Variants in PIK3R3 observed in about 807,000 individuals in gnomAD.
The protein encoded by PIK3R3 is phosphatidylinositol 3-kinase regulatory subunit gamma.
A neutral mutation model predicts 62.9 loss-of-function variants in PIK3R3; 64 were observed. The ratio of observed to expected loss-of-function variants is 1.02; its 90% CI spans 0.83 to 1.25. PIK3R3 has a LOEUF of 1.25. Among genes scored for constraint, PIK3R3 ranks in the 50% most tolerant of loss-of-function variants. The pLI, the probability that PIK3R3 is intolerant of heterozygous loss-of-function variation, is 0.00. For synonymous variants in PIK3R3, 165 were observed against 189.0 expected (o/e 0.87, Z 1.04); for missense variants, 614 against 561.6 (o/e 1.09, Z -0.94).
chr1:46,050,602 T>C (rs1284422893), intron 7 of PIK3R3, among the ~76,000 whole-genome samples: 1 of 152,168 alleles, frequency 6.6e-6, no homozygotes, highest in Non-Finnish European at 1.5e-5. Context: ...AATGATTCAT[T>C]ACTTTAAGAA....
the PIK3R3 span, among the ~76,000 whole-genome samples, chr1:46,173,783 C>G: frequency 6.6e-6 from 1 of 152,146 alleles, no homozygotes. Flanking sequence ...CAGCTTAGCA[C>G]CCCCATCATA....
At chr1:46,121,000 G>A (rs550395433) in intron 1 of PIK3R3, among the ~76,000 whole-genome samples, 1 of 152,248 alleles carries the variant, frequency 6.6e-6, no homozygotes, top group East Asian at 1.9e-4. Flanking sequence ...ATGATGCCTG[G>A]AATCACCGCA....
At chr1:46,045,567 G>A (rs1226471251) in intron 9 of PIK3R3, among the ~76,000 whole-genome samples, 1 of 136,844 alleles carries the variant, frequency 7.3e-6, no homozygotes, top group East Asian at 2.3e-4. Context: ...TTCCTAATCT[G>A]ACACTGGAGA....
the PIK3R3 span, among the ~76,000 whole-genome samples, chr1:46,144,784 G>T: frequency 6.7e-6 from 1 of 148,574 alleles, no homozygotes; most frequent in East Asian, 2.0e-4. Context: ...AAAAAAAAAC[G>T]ACTCAATTCT....
chr1:46,056,946 G>A (rs1441792924), intron 6 of PIK3R3: 1 of 152,230 alleles, frequency 6.6e-6, no homozygotes, highest in African/African-American at 2.4e-5. Flanking sequence ...CCATGGGCAA[G>A]TTATTTAACT....
chr1:46,115,843 CTGGCCCTTATTGTACAGATCAGAATA>C (rs1654137753), intron 1 of PIK3R3, among the ~76,000 whole-genome samples: 1 of 152,076 alleles, frequency 6.6e-6, no homozygotes, highest in Non-Finnish European at 1.5e-5. Flanking sequence ...CTCTTGGTTC[CTGGCCCTTATTGTACAGATCAGAATA>C]ATGACACGGG....
At chr1:46,110,111 CT>C (rs113064603) in intron 1 of PIK3R3, among the ~76,000 whole-genome samples, 31,580 of 146,806 alleles carry the variant, frequency 0.22, 3,605 homozygotes, top group Non-Finnish European at 0.27. Flanking sequence ...GCCTCATCCA[CT>C]TTTTTTTTTT....
At position 46,131,958 on chromosome 1, in the gene PIK3R3, T is replaced by C. The variant is rs750242869; in HGVS notation, c.-6A>G. On this transcript the variant is annotated 5_prime_UTR_variant, in exon 1 of 10. Coordinates refer to ENST00000262741, the MANE Select transcript of PIK3R3 (RefSeq NM_003629.4). ...CTCCACACCGTATTGTACATCGCGC[T>C]GTCAGGGGCAGGTCGCCAGGAGATA... The C allele has an allele frequency of 1.2e-6, 2 of 1,613,600 alleles. No individual in the cohort carries two copies. Among genetic ancestry groups the C allele is most frequent in the Non-Finnish European group, 8.5e-7 (1 of 1,179,904 alleles).
the PIK3R3 span, among the ~76,000 whole-genome samples, chr1:46,162,178 T>G: frequency 6.6e-6 from 1 of 151,160 alleles, no homozygotes; most frequent in African/African-American, 2.4e-5. Context: ...GGTAAGAGTT[T>G]GGTAAAATAG....
At chr1:46,112,812 G>A (rs1460641270) in intron 1 of PIK3R3, among the ~76,000 whole-genome samples, 2 of 152,074 alleles carry the variant, frequency 1.3e-5, no homozygotes, top group African/African-American at 4.8e-5. Flanking sequence ...CCACCAAAAG[G>A]AGAGAACCTG....
At chr1:46,148,743 GGAGAGAGAGAGAGAGA>G in the PIK3R3 span, among the ~76,000 whole-genome samples, 11 of 143,364 alleles carry the variant, frequency 7.7e-5, no homozygotes, top group African/African-American at 2.5e-4. Flanking sequence ...CCAAGATTTT[GGAGAGAGAGAGAGAGA>G]GAGAGAGAGA....
chr1:46,167,416 C>T, the PIK3R3 span, among the ~76,000 whole-genome samples: 2 of 152,114 alleles, frequency 1.3e-5, no homozygotes, highest in Admixed American at 6.5e-5. Context: ...TGGGTGGAGG[C>T]GCAGCTAGCT....
At chr1:46,046,321 G>A (rs1251752756) in intron 8 of PIK3R3, among the ~76,000 whole-genome samples, 1 of 152,018 alleles carries the variant, frequency 6.6e-6, no homozygotes, top group East Asian at 1.9e-4. Flanking sequence ...CAGATTTTGG[G>A]TAGCTATACT....
rs1648960130 is a variant in PIK3R3 at position 46,066,070 on chromosome 1, T to C, written c.605A>G (p.Tyr202Cys). The C allele has an allele frequency of 6.2e-7, 1 of 1,608,942 alleles. No individual in the cohort carries two copies. The highest frequency in any genetic ancestry group is 1.7e-5 in the Admixed American group (1 of 59,984). ...TATACCAACCTGGGATGTTCTAGTA[T>C]ATTCTTCATACAGCCTATCATACTC... ...SKEYDRLYEE[Y>C]TRTSQEIQMK... is the part of the protein sequence containing the mutation. Residue 202 changes from tyrosine (Y) to cysteine (C), a missense_variant, in exon 5 of 10, where the codon TAT (tyrosine) becomes TGT (cysteine). Transcript: ENST00000262741.
At chr1:46,134,139 T>A (rs1483348864), upstream of PIK3R3, among the ~76,000 whole-genome samples, 1 of 152,224 alleles carries the variant, frequency 6.6e-6, no homozygotes, top group Non-Finnish European at 1.5e-5. Flanking sequence ...AACTGCTCCA[T>A]TTCCTCTTTA....
In PIK3R3 at chr1:46,131,833, T is replaced by C. The variant is rs1251012708; in HGVS notation, c.106+14A>G. 8.7e-6 allele frequency: 14 copies of C among 1,610,866 alleles called. No homozygotes were observed. The highest frequency in any genetic ancestry group is 1.1e-5 in the Non-Finnish European group (13 of 1,177,472). On this transcript the variant is annotated intron_variant, in intron 1 of 9. Coordinates refer to ENST00000262741, the MANE Select transcript of PIK3R3 (RefSeq NM_003629.4). ...GACCCATCACGAGATTCTTTTTTTTTTTCTCCCAAGTACCTGGAGGATCCA... is the reference window on the plus strand; with the variant it reads ...GACCCATCACGAGATTCTTTTTTTTCTTCTCCCAAGTACCTGGAGGATCCA...
At position 46,043,226 on chromosome 1, in the gene PIK3R3, C is replaced by T. The variant is rs1647027200; in HGVS notation, c.*447G>A. The stretch of plus-strand genomic sequence containing the variant: ...TCTATCACAAAACCTAAACAGCCTT[C>T]TTCGTGGGGGGAAGAGAGACTGCCA... On this transcript the variant is annotated 3_prime_UTR_variant, in exon 10 of 10. Transcript: ENST00000262741. 1 of 233,692 alleles carries T rather than the reference C, an allele frequency of 4.3e-6. No homozygotes were observed. Among genetic ancestry groups the T allele is most frequent in the South Asian group, 1.8e-4 (1 of 5,602 alleles). 14.5% of individuals were successfully genotyped at this position (233,692 alleles called of 1,614,324 possible). A position where few individuals can be genotyped will look rare whatever the true frequency, so the allele number is the denominator to read the frequency against.
intron 1 of PIK3R3, among the ~76,000 whole-genome samples, chr1:46,093,620 T>C (rs1272871024): frequency 2.0e-5 from 3 of 152,100 alleles, no homozygotes; most frequent in Admixed American, 6.6e-5. Context: ...CCAAGTGTGG[T>C]GGCTCATGCA....
At chr1:46,150,386 A>G in the PIK3R3 span, among the ~76,000 whole-genome samples, 2 of 152,152 alleles carry the variant, frequency 1.3e-5, no homozygotes, top group African/African-American at 4.8e-5. Flanking sequence ...CTTCACTATC[A>G]CTAAATGGAA....
Sources: allele counts gnomAD v4.1 joint callset (sites outside exome capture counted in the v4.1 genomes callset), GRCh38; gene constraint gnomAD v4.1.1; transcripts MANE v1.5; gene names NCBI Gene and HGNC (gene_info 2026-07-23, HGNC 2026-07-21).